RABEP1: variants seen among roughly 807,000 people sequenced by gnomAD.
RABEP1 encodes rab GTPase-binding effector protein 1.
A neutral mutation model predicts 123.4 loss-of-function variants in RABEP1; 51 were observed. That is an observed-to-expected ratio of 0.41 (90% CI 0.33 to 0.52). The LOEUF (loss-of-function observed/expected upper bound fraction) is 0.52, where lower values mean the gene tolerates loss of function less well. Ranked by LOEUF, RABEP1 falls within the 20% of genes least tolerant of loss-of-function variation. The pLI is 0.16. For missense variants in RABEP1, 888 were observed against 996.3 expected (o/e 0.89, Z 1.46); for synonymous variants, 347 against 355.2 (o/e 0.98, Z 0.26).
chr17:5,302,878 C>A (rs1343712027), intron 1 of RABEP1, among the ~76,000 whole-genome samples: 2 of 151,800 alleles, frequency 1.3e-5, no homozygotes, highest in African/African-American at 2.4e-5. Flanking sequence ...CTGTGAGTTT[C>A]TTAAGAGCAA....
rs897093866 is a variant in RABEP1 at position 5,368,289 on chromosome 17, CTAAA to C, written c.1786-78_1786-75del. ...ACAAATAAAATGTCAATTCCAGACA[CTAAA>C]TAGTTAGAAGATGGAAGAGTTAGTT... On this transcript the variant is annotated intron_variant, in intron 11 of 17. Transcript: ENST00000537505. The C allele has an allele frequency of 1.4e-4, 134 of 984,300 alleles. No homozygotes were observed. In the Admixed American group the frequency reaches 2.7e-3, roughly 20 times the overall value. The allele number at this position is 984,300 out of a possible 1,614,324, so 61.0% of individuals were successfully genotyped here. A position where few individuals can be genotyped will look rare whatever the true frequency, so the allele number is the denominator to read the frequency against.
At position 5,337,997 on chromosome 17, in the gene RABEP1, A is replaced by T. The variant is rs775068523; in HGVS notation, c.529-22A>T. On this transcript the variant is annotated intron_variant, in intron 4 of 17. Transcript: ENST00000537505. The stretch of plus-strand genomic sequence containing the variant: ...AAGCAGTAAATGAATAAGTCGTAGC[A>T]TTTAATTCTTTTTAACCATAGGCCC... 1.9e-6 allele frequency: 3 copies of T among 1,593,920 alleles called. No individual in the cohort carries two copies. In the South Asian group the frequency reaches 3.4e-5, roughly 18 times the overall value.
intron 1 of RABEP1, among the ~76,000 whole-genome samples, chr17:5,294,633 CTTTTTTTTTTTTTTTTTTT>C (rs1185209680): frequency 1.3e-4 from 7 of 53,024 alleles, no homozygotes; most frequent in South Asian, 1.2e-3. Context: ...ACGGTATTGT[CTTTTTTTTTTTTTTTTTTT>C]TTTTTTTTTT....
At chr17:5,357,413 C>T (rs568331825) in intron 8 of RABEP1, among the ~76,000 whole-genome samples, 77 of 152,064 alleles carry the variant, frequency 5.1e-4, no homozygotes, top group African/African-American at 1.8e-3. Flanking sequence ...GCTGTCTCAC[C>T]CTTGCTGGAG....
intron 8 of RABEP1, among the ~76,000 whole-genome samples, chr17:5,359,861 T>C (rs1363790392): frequency 6.6e-6 from 1 of 152,220 alleles, no homozygotes; most frequent in African/African-American, 2.4e-5. Flanking sequence ...CATTTTTCTT[T>C]AAATCATTTT....
chr17:5,339,221 G>A (rs1907362130), intron 5 of RABEP1, among the ~76,000 whole-genome samples: 1 of 152,080 alleles, frequency 6.6e-6, no homozygotes, highest in South Asian at 2.1e-4. Context: ...AAATAAATGG[G>A]AATTTATCAA....
rs528476987 is a variant in RABEP1, at chr17:5,361,784, A to G, written c.1563+109A>G. The G allele has an allele frequency of 8.5e-5, 77 of 903,844 alleles. No individual in the cohort carries two copies. In the African/African-American group the frequency reaches 1.0e-3, roughly 12 times the overall value. The allele number at this position is 903,844 out of a possible 1,614,324, so 56.0% of individuals were successfully genotyped here. A position where few individuals can be genotyped will look rare whatever the true frequency, so the allele number is the denominator to read the frequency against. ...CGGTTCCTGGAGTCAGTGCAGGCAC[A>G]TGTTGCCAGCAAGTGGATATTAACG... On this transcript the variant is annotated intron_variant, in intron 9 of 17. Transcript: ENST00000537505.
At chr17:5,368,051 C>T (rs1910224233) in intron 11 of RABEP1, among the ~76,000 whole-genome samples, 1 of 152,040 alleles carries the variant, frequency 6.6e-6, no homozygotes, top group Non-Finnish European at 1.5e-5. Flanking sequence ...GCCACTGCAC[C>T]CAGCCTGATT....
intron 5 of RABEP1, among the ~76,000 whole-genome samples, chr17:5,338,432 T>C (rs1342675025): frequency 6.6e-6 from 1 of 152,098 alleles, no homozygotes; most frequent in African/African-American, 2.4e-5. Context: ...TGGTGGCGCA[T>C]GCCTGTAATC....
intron 1 of RABEP1, among the ~76,000 whole-genome samples, chr17:5,294,129 C>T (rs2075058261): frequency 6.6e-6 from 1 of 152,158 alleles, no homozygotes; most frequent in Non-Finnish European, 1.5e-5. Context: ...TGAATTCAAC[C>T]ATCTGGGGAT....
intron 2 of RABEP1, among the ~76,000 whole-genome samples, chr17:5,311,732 A>T (rs902488413): frequency 9.9e-5 from 15 of 151,804 alleles, no homozygotes; most frequent in Non-Finnish European, 1.5e-5. Context: ...AGACTAAAAA[A>T]TAGGAAAATA....
At chr17:5,311,666 A>G (rs1011197626) in intron 2 of RABEP1, among the ~76,000 whole-genome samples, 7 of 137,780 alleles carry the variant, frequency 5.1e-5, no homozygotes, top group African/African-American at 1.1e-4. Flanking sequence ...ACTGCACTCC[A>G]TCCAGCCTGG....
intron 8 of RABEP1, among the ~76,000 whole-genome samples, chr17:5,355,147 C>A (rs1335714781): frequency 1.3e-5 from 2 of 152,198 alleles, no homozygotes; most frequent in African/African-American, 2.4e-5. Flanking sequence ...CAGGCCACTC[C>A]CCTACTCAAA....
intron 6 of RABEP1, among the ~76,000 whole-genome samples, chr17:5,347,485 ATAATAAAGCTGGGAATTTCTGCTTCAAC>A (rs1450209074): frequency 6.6e-6 from 1 of 152,140 alleles, no homozygotes; most frequent in Non-Finnish European, 1.5e-5. Flanking sequence ...GGGCAGAGAG[ATAATAAAGCTGGGAATTTCTGCTTCAAC>A]TACTTTTCCC....
chr17:5,333,244 C>A (rs1223541285), intron 3 of RABEP1, among the ~76,000 whole-genome samples: 1 of 152,046 alleles, frequency 6.6e-6, no homozygotes, highest in Non-Finnish European at 1.5e-5. Flanking sequence ...TTCAGTGCAA[C>A]CTCCGCCTTC....
intron 16 of RABEP1, 55 bp downstream of exon 16, chr17:5,380,517 C>G: frequency 1.5e-6 from 2 of 1,326,692 alleles, no homozygotes; most frequent in South Asian, 1.3e-5. Context: ...AATGCAGGAT[C>G]ACATCTTGCT....
At chr17:5,368,952 C>G (rs1383917828) in intron 12 of RABEP1, among the ~76,000 whole-genome samples, 1 of 151,898 alleles carries the variant, frequency 6.6e-6, no homozygotes, top group Non-Finnish European at 1.5e-5. Context: ...ACTAAAAATA[C>G]AAAAAACTAG....
At chr17:5,320,718 A>G (rs1444464309) in intron 2 of RABEP1, among the ~76,000 whole-genome samples, 3 of 152,188 alleles carry the variant, frequency 2.0e-5, no homozygotes, top group African/African-American at 7.2e-5. Context: ...GTAACTTGTT[A>G]TCTACAAGAT....
chr17:5,338,879 A>G lies in RABEP1; in HGVS notation c.648+741A>G, dbSNP rs1024959690. Among the ~76,000 whole-genome samples the G allele has an allele frequency of 7.9e-5, 12 of 152,074 alleles. No homozygotes were observed. In the South Asian group the frequency reaches 8.3e-4, roughly 10 times the overall value. On this transcript the variant is annotated intron_variant, in intron 5 of 17. Coordinates refer to ENST00000537505, the MANE Select transcript of RABEP1 (RefSeq NM_004703.6). ...AAAAGAATTAAAGTAGGAACAGGCC[A>G]GGTGTTGTGGCTCACACCTGTAATC...
Sources: gnomAD v4.1 joint callset for allele counts (sites outside exome capture counted in the v4.1 genomes callset) on GRCh38, gnomAD v4.1.1 for gene constraint, MANE v1.5 for transcripts, NCBI Gene and HGNC (gene_info 2026-07-23, HGNC 2026-07-21) for gene names.